DRD2: variants seen among roughly 807,000 people sequenced by gnomAD.
DRD2 encodes the protein dopamine receptor D2.
Under a neutral mutation model 38.0 loss-of-function variants are expected in DRD2, and 8 were observed. The observed-to-expected ratio is 0.21, with a 90% CI of 0.12 to 0.38. The LOEUF (loss-of-function observed/expected upper bound fraction) is 0.38, where lower values mean the gene tolerates loss of function less well. DRD2 is among the 10% of genes least tolerant of loss of function. DRD2 has a pLI of 1.00. For synonymous variants in DRD2, 230 were observed against 238.6 expected, an observed-to-expected ratio of 0.96 and a Z score of 0.33; for missense variants, 403 against 607.7, an observed-to-expected ratio of 0.66 and a Z score of 3.54.
rs1001855801 is a variant in DRD2, at chr11:113,475,301, GGCGGGGCGGGGCCGGGC to G, written c.-274_-258del. The G allele has an allele frequency of 6.1e-5, 9 of 147,868 alleles. No individual in the cohort carries two copies. The highest frequency in any genetic ancestry group is 2.0e-4 in the African/African-American group (8 of 40,934). 9.2% of individuals were successfully genotyped at this position (147,868 alleles called of 1,614,324 possible). Reference sequence around the variant, plus strand: ...CAGTGGACGGGCCGCGGCGGGGCGGGGCGGGGCGGGGCCGGGCGCGGGGCGGGCGGGCAGGAGGGAGC... The same window carrying G: ...CAGTGGACGGGCCGCGGCGGGGCGGGGCGGGGCGGGCGGGCAGGAGGGAGC... On this transcript the variant is annotated 5_prime_UTR_variant, in exon 1 of 8. Transcript: ENST00000362072.
chr11:113,415,042 CAG>C (rs1950812109), intron 5 of DRD2, among the ~76,000 whole-genome samples: 1 of 151,998 alleles, frequency 6.6e-6, no homozygotes, highest in Non-Finnish European at 1.5e-5. Flanking sequence ...GAGGGGAGGA[CAG>C]AGAGTACGGA....
intron 1 of DRD2, among the ~76,000 whole-genome samples, chr11:113,433,184 C>A (rs1392867965): frequency 1.3e-5 from 2 of 152,150 alleles, no homozygotes; most frequent in Non-Finnish European, 2.9e-5. Flanking sequence ...TGGACGATGG[C>A]AACCTCCTGG....
intron 1 of DRD2, among the ~76,000 whole-genome samples, chr11:113,456,564 A>AT (rs925769376): frequency 1.3e-5 from 2 of 152,092 alleles, no homozygotes; most frequent in African/African-American, 4.8e-5. Flanking sequence ...TAAAAATACA[A>AT]TTTTTTTTAA....
At chr11:113,469,357 T>C (rs1169632444) in intron 1 of DRD2, among the ~76,000 whole-genome samples, 1 of 152,192 alleles carries the variant, frequency 6.6e-6, no homozygotes, top group Non-Finnish European at 1.5e-5. Flanking sequence ...CCTCTTCACT[T>C]TCCTGGTATC....
intron 1 of DRD2, among the ~76,000 whole-genome samples, chr11:113,452,467 T>TGCGCGC (rs60850982): frequency 4.4e-4 from 40 of 91,152 alleles, no homozygotes; most frequent in African/African-American, 1.5e-3. Flanking sequence ...TGTGTGTGTG[T>TGCGCGC]GTGCGCGCGC....
At chr11:113,454,911 G>A (rs887718022) in intron 1 of DRD2, among the ~76,000 whole-genome samples, 2 of 152,180 alleles carry the variant, frequency 1.3e-5, no homozygotes, top group African/African-American at 4.8e-5. Flanking sequence ...GAGAGGTGTT[G>A]GGAAAACTGG....
chr11:113,416,466 AC>A (rs1449548982), intron 4 of DRD2, among the ~76,000 whole-genome samples: 1 of 152,226 alleles, frequency 6.6e-6, no homozygotes, highest in African/African-American at 2.4e-5. Flanking sequence ...CAGCTTCATT[AC>A]AAAAATACTA....
intron 6 of DRD2, among the ~76,000 whole-genome samples, chr11:113,413,580 T>G (rs1369656433): frequency 6.6e-6 from 1 of 152,254 alleles, no homozygotes; most frequent in Non-Finnish European, 1.5e-5. Context: ...GCTGCTGCCT[T>G]GGCCCTGACT....
intron 1 of DRD2, among the ~76,000 whole-genome samples, chr11:113,461,003 T>A (rs1489409755): frequency 6.6e-6 from 1 of 152,202 alleles, no homozygotes; most frequent in African/African-American, 2.4e-5. Flanking sequence ...CTTACTCAAG[T>A]CATTCAACAA....
chr11:113,413,033 A>G lies in DRD2; in HGVS notation c.811-150T>C, dbSNP rs1391599486. 3 of 914,788 alleles carry G rather than the reference A, an allele frequency of 3.3e-6. No individual in the cohort carries two copies. In the East Asian group the frequency reaches 7.9e-5, roughly 24 times the overall value. 56.7% of individuals were successfully genotyped at this position (914,788 alleles called of 1,614,324 possible). On this transcript the variant is annotated intron_variant, in intron 6 of 7. Transcript: ENST00000362072. ...AGGGAGGCAAGGATGTCACTGAGGC[A>G]TGGGACCCAGGACCCATGGCAGCCC...
At chr11:113,450,697 C>A (rs961061539) in intron 1 of DRD2, among the ~76,000 whole-genome samples, 1 of 152,102 alleles carries the variant, frequency 6.6e-6, no homozygotes, top group East Asian at 1.9e-4. Flanking sequence ...CTTTCTTCAC[C>A]AAAACAGAGA....
chr11:113,409,693 G>A lies in DRD2; in HGVS notation c.*1034C>T. On this transcript the variant is annotated 3_prime_UTR_variant, in exon 8 of 8. Coordinates refer to ENST00000362072, the MANE Select transcript of DRD2 (RefSeq NM_000795.4). ...TAGGCCCCAGGGGCTCTCCCAAGCTGCAGCTTCCCCTCCTTCCTCAGGGCA... is the reference window on the plus strand; with the variant it reads ...TAGGCCCCAGGGGCTCTCCCAAGCTACAGCTTCCCCTCCTTCCTCAGGGCA... 1 of 153,188 alleles carries A rather than the reference G, an allele frequency of 6.5e-6. No homozygotes were observed. The highest frequency in any genetic ancestry group is 1.5e-5 in the Non-Finnish European group (1 of 68,380). The allele number at this position is 153,188 out of a possible 1,614,324, so 9.5% of individuals were successfully genotyped here.
rs145629344 is a variant in DRD2 at position 113,466,181 on chromosome 11, G to T, written c.-32+8895C>A. 3.9e-5 allele frequency among the ~76,000 whole-genome samples: 6 copies of T among 152,296 alleles called. No homozygotes were observed. The East Asian group carries it at 1.2e-3, about 29-fold the overall frequency. On this transcript the variant is annotated intron_variant, in intron 1 of 7. Coordinates refer to ENST00000362072, the MANE Select transcript of DRD2 (RefSeq NM_000795.4). ...TTAACTAAATAACTAGAGGGACAGG[G>T]GATGCATAGCCCACTTCTTAAAAGT... is the stretch of plus-strand genomic sequence containing the variant.
At chr11:113,466,426 C>A (rs911440320) in intron 1 of DRD2, among the ~76,000 whole-genome samples, 31 of 52,990 alleles carry the variant, frequency 5.9e-4, no homozygotes, top group Non-Finnish European at 2.1e-3. Flanking sequence ...CCTCAACAGC[C>A]CCCCCAGTGC....
At chr11:113,426,883 T>C (rs2138184232) in intron 1 of DRD2, among the ~76,000 whole-genome samples, 1 of 152,350 alleles carries the variant, frequency 6.6e-6, no homozygotes, top group East Asian at 1.9e-4. Flanking sequence ...GAGGCCTGCA[T>C]GTATGTATTG....
At chr11:113,465,023 T>C (rs1461030820) in intron 1 of DRD2, among the ~76,000 whole-genome samples, 1 of 152,178 alleles carries the variant, frequency 6.6e-6, no homozygotes. Context: ...CCAGCATTGC[T>C]GTCCTGAACA....
intron 6 of DRD2, chr11:113,413,463 T>A: frequency 2.2e-6 from 1 of 450,622 alleles, no homozygotes; most frequent in Non-Finnish European, 4.5e-6. Context: ...ATGGATCCAC[T>A]CATGGCCTCC....
intron 1 of DRD2, among the ~76,000 whole-genome samples, chr11:113,441,127 C>T (rs1230597177): frequency 6.6e-6 from 1 of 152,186 alleles, no homozygotes; most frequent in Non-Finnish European, 1.5e-5. Flanking sequence ...GCAAATAACC[C>T]TCCAATGGAT....
At chr11:113,472,020 A>G (rs1462371607) in intron 1 of DRD2, among the ~76,000 whole-genome samples, 2 of 152,190 alleles carry the variant, frequency 1.3e-5, no homozygotes. Flanking sequence ...CTCTCTTCCT[A>G]GGTGTTGAGG....
Sources: allele counts gnomAD v4.1 joint callset (sites outside exome capture counted in the v4.1 genomes callset), GRCh38; gene constraint gnomAD v4.1.1; transcripts MANE v1.5; gene names NCBI Gene and HGNC (gene_info 2026-07-23, HGNC 2026-07-21).